The following XKR5 variants were observed in gnomAD, a reference collection of about 807,000 sequenced individuals.
The protein encoded by XKR5 is XK-related protein 5.
In XKR5, 46 loss-of-function variants were observed where a neutral mutation model predicts 40.8. The ratio of observed to expected loss-of-function variants is 1.13; its 90% CI spans 0.89 to 1.44. The LOEUF is 1.44. Among genes scored for constraint, XKR5 ranks in the 40% most tolerant of loss-of-function variants. The pLI, the probability that XKR5 is intolerant of heterozygous loss-of-function variation, is 0.00. For synonymous variants in XKR5, 466 were observed against 356.1 expected (o/e 1.31, Z -3.48); for missense variants, 1,169 against 844.7 (o/e 1.38, Z -4.76).
intron 4 of XKR5, 123 bp downstream of exon 4, chr8:6,823,398 G>A: frequency 2.0e-6 from 2 of 1,014,970 alleles, no homozygotes; most frequent in African/African-American, 1.6e-5. Context: ...GATCCATTCA[G>A]CAGAGAGCCC....
At position 6,818,817 on chromosome 8, in the gene XKR5, C is replaced by A. The variant is rs1587169243; in HGVS notation, c.808-2899G>T. On this transcript the variant is annotated intron_variant, in intron 5 of 6. Coordinates refer to ENST00000618742, the MANE Select transcript of XKR5 (RefSeq NM_207411.5). Reference sequence around the variant, plus strand: ...CCCCCAGCCCCCAGCCCCTGCCAGACCGTTCCAGCAGAAACCTCTGAACCA... The same window carrying A: ...CCCCCAGCCCCCAGCCCCTGCCAGAACGTTCCAGCAGAAACCTCTGAACCA... Among the ~76,000 whole-genome samples the A allele has an allele frequency of 3.3e-5, 5 of 152,348 alleles. No homozygotes were observed. The South Asian group carries it at 1.0e-3, about 32-fold the overall frequency.
intron 2 of XKR5, among the ~76,000 whole-genome samples, chr8:6,827,395 C>T (rs1272005870): frequency 6.6e-6 from 1 of 152,238 alleles, no homozygotes; most frequent in Non-Finnish European, 1.5e-5. Flanking sequence ...ACCCCTAAGG[C>T]TCTGACTGGC....
intron 1 of XKR5, 97 bp downstream of exon 1, chr8:6,835,339 A>G: frequency 1.6e-6 from 2 of 1,230,370 alleles, no homozygotes; most frequent in South Asian, 3.9e-5. Flanking sequence ...AGGCTGGGGC[A>G]GTGCCCGCCC....
intron 2 of XKR5, among the ~76,000 whole-genome samples, chr8:6,826,452 G>A (rs1804482988): frequency 6.6e-6 from 1 of 152,118 alleles, no homozygotes; most frequent in Non-Finnish European, 1.5e-5. Flanking sequence ...GGAATGGAAA[G>A]TAGGGAGCAG....
rs554887481 is a variant in XKR5 at position 6,811,159 on chromosome 8, G to A, written c.*39C>T. The A allele has an allele frequency of 4.7e-6, 7 of 1,497,710 alleles. No individual in the cohort carries two copies. The African/African-American group carries it at 6.9e-5, about 15-fold the overall frequency. The allele number at this position is 1,497,710 out of a possible 1,614,324, so 92.8% of individuals were successfully genotyped here. A position where few individuals can be genotyped will look rare whatever the true frequency, so the allele number is the denominator to read the frequency against. On this transcript the variant is annotated 3_prime_UTR_variant, in exon 7 of 7. Transcript: ENST00000618742. ...TCTCACGGTACCAAATGGCCAGCTT[G>A]GTTTGTCAGCCTGTTGTCTTATCCC...
At chr8:6,835,355 T>G (rs921605246) in intron 1 of XKR5, 81 bp downstream of exon 1, 4 of 1,318,828 alleles carry the variant, frequency 3.0e-6, no homozygotes, top group Admixed American at 8.0e-5. Context: ...CGCCCGGGCA[T>G]AGGCAGCCTG....
At chr8:6,829,972 G>C (rs905019077) in intron 2 of XKR5, among the ~76,000 whole-genome samples, 7 of 151,494 alleles carry the variant, frequency 4.6e-5, no homozygotes, top group African/African-American at 7.3e-5. Flanking sequence ...CAAGTAGCTG[G>C]GACTACAGGC....
chr8:6,811,677 C>G lies in XKR5; in HGVS notation c.1582G>C (p.Gly528Arg). The G allele has an allele frequency of 6.5e-7, 1 of 1,537,774 alleles. No homozygotes were observed. Residue 528 changes from glycine (G) to arginine (R), a missense_variant, in exon 7 of 7, where the codon GGT becomes CGT. Physicochemically the swap from Gly to Arg is moderately radical, Grantham distance 125. Transcript: ENST00000618742. ...CCTTCCCCTCCTCTCTGCTGCCCAC[C>G]TGTCCCCTTCCCCTGTGTCCCAGAA... is the stretch of plus-strand genomic sequence containing the variant. ...AVSGTQGKGT[G>R]GQQRGGEGQQ...
At chr8:6,832,014 CAA>C (rs34490284) in intron 2 of XKR5, among the ~76,000 whole-genome samples, 3 of 45,202 alleles carry the variant, frequency 6.6e-5, no homozygotes, top group African/African-American at 3.4e-4. Context: ...GACTCCATCT[CAA>C]AAAAAAAAAA....
chr8:6,814,566 G>A (rs1423825472), intron 6 of XKR5, among the ~76,000 whole-genome samples: 2 of 152,170 alleles, frequency 1.3e-5, no homozygotes, highest in East Asian at 3.8e-4. Context: ...TTGAGATCCT[G>A]GCTGTGATGT....
chr8:6,828,841 A>C (rs1804634166), intron 2 of XKR5, among the ~76,000 whole-genome samples: 1 of 152,224 alleles, frequency 6.6e-6, no homozygotes, highest in Admixed American at 6.5e-5. Context: ...TCCTTAATCC[A>C]GTAGAAAAGT....
intron 1 of XKR5, among the ~76,000 whole-genome samples, chr8:6,835,185 G>A (rs907498853): frequency 1.6e-5 from 2 of 123,076 alleles, no homozygotes; most frequent in Non-Finnish European, 3.6e-5. Flanking sequence ...CCAGTCGGGA[G>A]GGGGGGGAAC....
At position 6,812,107 on chromosome 8, in the gene XKR5, G is replaced by T; in HGVS notation, c.1152C>A (p.Pro384=). 6.5e-7 allele frequency: 1 copy of T among 1,546,228 alleles called. No individual in the cohort carries two copies. Among genetic ancestry groups the T allele is most frequent in the South Asian group, 1.2e-5 (1 of 84,058 alleles). Reference sequence around the variant, plus strand: ...CCTGGGTCCCCAGCCCAGCCTCTGGGGGGACCTGCTCAGGGGTAGGGGGCT... The same window carrying T: ...CCTGGGTCCCCAGCCCAGCCTCTGGTGGGACCTGCTCAGGGGTAGGGGGCT... The part of the protein sequence containing the change: ...LGKPPTPEQV[P]PEAGLGTQVA... The change falls in exon 7 of 7, where the codon CCC becomes CCA. Residue 384 remains proline (P), a synonymous_variant. Transcript: ENST00000618742.
At chr8:6,831,308 A>G (rs144307069) in intron 2 of XKR5, among the ~76,000 whole-genome samples, 2 of 152,336 alleles carry the variant, frequency 1.3e-5, no homozygotes, top group East Asian at 3.9e-4. Flanking sequence ...CTGTCTTTTC[A>G]GGGGAACGGC....
At chr8:6,823,856 A>G (rs1365310203) in intron 3 of XKR5, 126 bp from the exon 4 acceptor site, 2 of 799,224 alleles carry the variant, frequency 2.5e-6, no homozygotes, top group African/African-American at 1.7e-5. Flanking sequence ...GGCTGCACAG[A>G]GAGTATTACT....
At chr8:6,821,845 A>G (rs780307783) in intron 5 of XKR5, 24 bp downstream of exon 5, 10 of 1,607,816 alleles carry the variant, frequency 6.2e-6, no homozygotes, top group Non-Finnish European at 7.6e-6. Flanking sequence ...TGTAAAAGTT[A>G]GGATAAAGAA....
chr8:6,824,022 C>A (rs552555154), intron 3 of XKR5, among the ~76,000 whole-genome samples: 51 of 152,320 alleles, frequency 3.3e-4, no homozygotes, highest in African/African-American at 1.2e-3. Flanking sequence ...CCTTTCTACG[C>A]CCTTTAAGAA....
rs542155452 is a variant in XKR5, at chr8:6,811,545, G to A, written c.1714C>T (p.Leu572=). The A allele has an allele frequency of 1.3e-6, 2 of 1,535,444 alleles. No individual in the cohort carries two copies. Among genetic ancestry groups the A allele is most frequent in the South Asian group, 1.2e-5 (1 of 83,814 alleles). The change falls in exon 7 of 7, where the codon CTG becomes TTG. Residue 572 remains leucine, a synonymous_variant. Coordinates refer to ENST00000618742, the MANE Select transcript of XKR5 (RefSeq NM_207411.5). ...GGCTGGGCAGGGCTGCTCTTTCCCA[G>A]CCTCCTTCCAGAGTGGGCCGTTTGC... ...TLQTAHSGRR[L]GKSSPAQPAS... is the part of the protein sequence containing the mutation.
chr8:6,832,337 C>T (rs1028579836), intron 2 of XKR5, among the ~76,000 whole-genome samples: 7 of 152,236 alleles, frequency 4.6e-5, no homozygotes, highest in Admixed American at 1.3e-4. Flanking sequence ...GTCTGTGGTT[C>T]ACTAAACTAT....
Sources: allele counts gnomAD v4.1 joint callset (sites outside exome capture counted in the v4.1 genomes callset), GRCh38; gene constraint gnomAD v4.1.1; transcripts MANE v1.5; gene names NCBI Gene and HGNC (gene_info 2026-07-23, HGNC 2026-07-21).